The following FGF12 variants were observed in gnomAD, a reference collection of about 807,000 sequenced individuals.
FGF12 encodes the protein fibroblast growth factor 12B.
Under a neutral mutation model 23.6 loss-of-function variants are expected in FGF12, and 14 were observed. The observed-to-expected ratio is 0.59, with a 90% CI of 0.39 to 0.93. The LOEUF (loss-of-function observed/expected upper bound fraction) is 0.93. FGF12 is among the 40% of genes least tolerant of loss of function. FGF12 has a pLI of 0.00. For synonymous variants in FGF12, 62 were observed against 77.3 expected (o/e 0.80, Z 1.04); for missense variants, 175 against 217.8 (o/e 0.80, Z 1.24).
At chr3:192,282,404 T>C (rs1714200018) in intron 4 of FGF12, among the ~76,000 whole-genome samples, 1 of 152,142 alleles carries the variant, frequency 6.6e-6, no homozygotes, top group Admixed American at 6.6e-5. Context: ...CAAAAAATAA[T>C]TTATGCTAAA....
chr3:192,230,614 T>C (rs904932232), intron 4 of FGF12, among the ~76,000 whole-genome samples: 2 of 152,160 alleles, frequency 1.3e-5, no homozygotes, highest in African/African-American at 4.8e-5. Flanking sequence ...ATTCACAGAA[T>C]AGAAAAAAAC....
intron 2 of FGF12, among the ~76,000 whole-genome samples, chr3:192,430,879 T>C (rs1201899246): frequency 6.6e-6 from 1 of 152,172 alleles, no homozygotes; most frequent in Non-Finnish European, 1.5e-5. Context: ...GGGAGCATAA[T>C]TGTTATTGGA....
At chr3:192,311,400 A>G (rs1276827708) in intron 4 of FGF12, among the ~76,000 whole-genome samples, 2 of 152,174 alleles carry the variant, frequency 1.3e-5, no homozygotes, top group African/African-American at 4.8e-5. Context: ...GATAAAGTAT[A>G]TCTTTTGTGA....
chr3:192,469,914 GTT>G (rs1217183313), intron 2 of FGF12, among the ~76,000 whole-genome samples: 4 of 152,150 alleles, frequency 2.6e-5, no homozygotes, highest in Admixed American at 2.6e-4. Flanking sequence ...AAAATTATCT[GTT>G]TTACAAAGCT....
chr3:192,351,733 G>A (rs1171342235), intron 3 of FGF12, among the ~76,000 whole-genome samples: 1 of 152,154 alleles, frequency 6.6e-6, no homozygotes, highest in Non-Finnish European at 1.5e-5. Flanking sequence ...AGCAGATAAG[G>A]AATTGCAGTA....
Position 192,142,607 on chromosome 3 carries a change from A to T in FGF12, c.*1402T>A, listed in dbSNP as rs1173455461. Reference sequence around the variant, plus strand: ...AACATTTATTTCTTCCTTGATTTTTAAAAATACTTTAGTATTCTTAACTAT... The same window carrying T: ...AACATTTATTTCTTCCTTGATTTTTTAAAATACTTTAGTATTCTTAACTAT... On this transcript the variant is annotated 3_prime_UTR_variant, in exon 6 of 6. Transcript: ENST00000445105. The T allele has an allele frequency of 6.6e-6, 1 of 152,072 alleles. No individual in the cohort carries two copies. The highest frequency in any genetic ancestry group is 1.5e-5 in the Non-Finnish European group (1 of 67,980). The allele number at this position is 152,072 out of a possible 1,614,324, so 9.4% of individuals were successfully genotyped here.
intron 4 of FGF12, among the ~76,000 whole-genome samples, chr3:192,221,279 C>T (rs947281155): frequency 1.3e-5 from 2 of 151,874 alleles, no homozygotes; most frequent in African/African-American, 4.9e-5. Flanking sequence ...GTTCCGGAGC[C>T]TTCTCACCTT....
chr3:192,213,139 CT>C (rs1039287499), intron 4 of FGF12, among the ~76,000 whole-genome samples: 1 of 152,258 alleles, frequency 6.6e-6, no homozygotes, highest in African/African-American at 2.4e-5. Flanking sequence ...CAAGAAAACG[CT>C]GTGTGCTGTC....
At chr3:192,621,295 A>T (rs1024867696) in intron 2 of FGF12, among the ~76,000 whole-genome samples, 94 of 152,098 alleles carry the variant, frequency 6.2e-4, no homozygotes, top group African/African-American at 2.2e-3. Context: ...TCTGTCCAGA[A>T]TTTTTTCCCA....
Position 192,591,746 on chromosome 3 carries a change from C to T in FGF12, c.13+135435G>A, listed in dbSNP as rs567026848. On this transcript the variant is annotated intron_variant, in intron 2 of 5. Transcript: ENST00000445105. ...AAATGCTTACGTGGCAATAGAAAGT[C>T]CACCATGTTTAGAATTAAAGGAACT... Among the ~76,000 whole-genome samples, 19 of 151,854 alleles carry T rather than the reference C, an allele frequency of 1.3e-4. 1 individual carries two copies. Among genetic ancestry groups the T allele is most frequent in the Non-Finnish European group, 2.7e-4 (18 of 67,912 alleles).
At chr3:192,348,138 A>T (rs913860000) in intron 3 of FGF12, among the ~76,000 whole-genome samples, 7 of 152,164 alleles carry the variant, frequency 4.6e-5, no homozygotes, top group Non-Finnish European at 8.8e-5. Flanking sequence ...AGGAGCAAGG[A>T]GTTCTCTTTA....
chr3:192,330,990 G>T (rs142441181), intron 4 of FGF12, among the ~76,000 whole-genome samples: 1 of 152,044 alleles, frequency 6.6e-6, no homozygotes, highest in East Asian at 1.9e-4. Context: ...AATCTATAAA[G>T]AACTCCTACA....
intron 2 of FGF12, among the ~76,000 whole-genome samples, chr3:192,476,333 G>A (rs1489329363): frequency 6.6e-6 from 1 of 151,986 alleles, no homozygotes; most frequent in Non-Finnish European, 1.5e-5. Context: ...AAAAAATGAA[G>A]CCCAGAGGTC....
chr3:192,632,176 G>T (rs1304229497), intron 2 of FGF12, among the ~76,000 whole-genome samples: 5 of 152,090 alleles, frequency 3.3e-5, no homozygotes, highest in Admixed American at 3.3e-4. Context: ...CTAATCCAAG[G>T]CAAATGAGAA....
chr3:192,165,644 G>C (rs1421743020), intron 5 of FGF12, among the ~76,000 whole-genome samples: 1 of 151,546 alleles, frequency 6.6e-6, no homozygotes, highest in Non-Finnish European at 1.5e-5. Context: ...TTATCTGATT[G>C]TTTACCAATG....
chr3:192,375,175 C>T (rs866924533), intron 2 of FGF12, among the ~76,000 whole-genome samples: 1 of 152,146 alleles, frequency 6.6e-6, no homozygotes, highest in African/African-American at 2.4e-5. Flanking sequence ...TTTGAATCTT[C>T]ATCTGATTTG....
At chr3:192,469,623 GCT>G (rs1305290927) in intron 2 of FGF12, among the ~76,000 whole-genome samples, 1 of 152,178 alleles carries the variant, frequency 6.6e-6, no homozygotes. Context: ...AAATTAAGTA[GCT>G]CTATGTTTTA....
intron 4 of FGF12, among the ~76,000 whole-genome samples, chr3:192,236,332 CTGT>C (rs1338106158): frequency 6.6e-6 from 1 of 152,082 alleles, no homozygotes; most frequent in Non-Finnish European, 1.5e-5. Context: ...AATGTACATT[CTGT>C]TGTTGTTAGA....
intron 4 of FGF12, among the ~76,000 whole-genome samples, chr3:192,215,909 C>A (rs1413363966): frequency 6.6e-6 from 1 of 152,196 alleles, no homozygotes; most frequent in Non-Finnish European, 1.5e-5. Flanking sequence ...TAAGACTCCT[C>A]CTTCTTCACT....
Sources: gnomAD v4.1 joint callset for allele counts (sites outside exome capture counted in the v4.1 genomes callset) on GRCh38, gnomAD v4.1.1 for gene constraint, MANE v1.5 for transcripts, NCBI Gene and HGNC (gene_info 2026-07-23, HGNC 2026-07-21) for gene names.